SLC39A11: variants seen among roughly 807,000 people sequenced by gnomAD.
SLC39A11 encodes the protein zinc transporter ZIP11.
A neutral mutation model predicts 36.1 loss-of-function variants in SLC39A11; 33 were observed. The ratio of observed to expected loss-of-function variants is 0.91; its 90% CI spans 0.69 to 1.22. The LOEUF is 1.22. Among genes scored for constraint, SLC39A11 ranks in the 50% most tolerant of loss-of-function variants. SLC39A11 has a pLI of 0.00. For missense variants in SLC39A11, 432 were observed against 430.3 expected (o/e 1.00, Z -0.03); for synonymous variants, 166 against 170.3 (o/e 0.97, Z 0.20).
chr17:72,829,148 T>G (rs559081406), intron 6 of SLC39A11, among the ~76,000 whole-genome samples: 22 of 151,984 alleles, frequency 1.4e-4, no homozygotes, highest in African/African-American at 5.3e-4. Flanking sequence ...GCACAAGAGT[T>G]TGACACCAGC....
At chr17:72,817,600 T>C (rs538956310) in intron 6 of SLC39A11, among the ~76,000 whole-genome samples, 2 of 152,358 alleles carry the variant, frequency 1.3e-5, no homozygotes, top group South Asian at 2.1e-4. Flanking sequence ...CAATGGATGA[T>C]GGCTATGACA....
chr17:72,722,598 C>G (rs945599636), intron 7 of SLC39A11, among the ~76,000 whole-genome samples: 1 of 152,014 alleles, frequency 6.6e-6, no homozygotes, highest in African/African-American at 2.4e-5. Context: ...ATCCTGAGCT[C>G]CTGATTTCAT....
chr17:72,861,215 G>A (rs966977695), intron 5 of SLC39A11, among the ~76,000 whole-genome samples: 5 of 152,164 alleles, frequency 3.3e-5, no homozygotes, highest in African/African-American at 9.7e-5. Flanking sequence ...TGTCAGCAGA[G>A]TGAAAGCATG....
intron 7 of SLC39A11, among the ~76,000 whole-genome samples, chr17:72,711,367 C>T (rs1030970851): frequency 2.6e-5 from 4 of 152,170 alleles, no homozygotes; most frequent in African/African-American, 9.7e-5. Context: ...AAGTGTATTT[C>T]TTCTTTACTC....
rs533307108 is a variant in SLC39A11 at position 72,839,979 on chromosome 17, C to T, written c.601+9655G>A. On this transcript the variant is annotated intron_variant, in intron 6 of 9. Coordinates refer to ENST00000255559, the MANE Select transcript of SLC39A11 (RefSeq NM_139177.4). The stretch of plus-strand genomic sequence containing the variant: ...TTCCAAAAAAGCATTTTTATCTGAT[C>T]GCAAGTCATAAATATTTACTACAGG... Among the ~76,000 whole-genome samples, 10 of 152,214 alleles carry T rather than the reference C, an allele frequency of 6.6e-5. No homozygotes were observed. The East Asian group carries it at 7.7e-4, about 12-fold the overall frequency.
chr17:72,895,097 G>C (rs989975892), intron 5 of SLC39A11, among the ~76,000 whole-genome samples: 9 of 151,336 alleles, frequency 5.9e-5, no homozygotes, highest in African/African-American at 2.2e-4. Context: ...AGTTGCATTG[G>C]TGGGTGCTAG....
At chr17:73,001,470 G>A (rs938536181) in intron 4 of SLC39A11, among the ~76,000 whole-genome samples, 8 of 149,078 alleles carry the variant, frequency 5.4e-5, no homozygotes, top group South Asian at 4.3e-4. Flanking sequence ...GCTAAATGAC[G>A]AGTTAATGGG....
At chr17:72,712,694 G>A (rs1021358249) in intron 7 of SLC39A11, 7 of 152,112 alleles carry the variant, frequency 4.6e-5, no homozygotes, top group East Asian at 1.9e-4. Flanking sequence ...AGAAAGCTGC[G>A]GTGCTTCCTT....
In SLC39A11 at chr17:72,849,810, CAAA is replaced by C. The variant is rs34998299; in HGVS notation, c.431-9_431-7del. On this transcript the variant is annotated splice_polypyrimidine_tract_variant and splice_region_variant and intron_variant, in intron 5 of 9. Transcript: ENST00000255559. The stretch of plus-strand genomic sequence containing the variant: ...CTCACCATTCTCACTCTTGTCTGAG[CAAA>C]AAAAAAAAAAAAGAGAGATGGGGAA... 0.03 allele frequency: 37,466 copies of C among 1,252,578 alleles called. 1 individual carries two copies. Among genetic ancestry groups the C allele is most frequent in the East Asian group, 0.078 (2,316 of 29,794 alleles). The allele number at this position is 1,252,578 out of a possible 1,614,324, so 77.6% of individuals were successfully genotyped here.
chr17:72,649,153 C>T lies in SLC39A11; in HGVS notation c.770+17G>A. ...GGAGGATGCTGTGACATGGCCTTGC[C>T]CTTGGGCAGCACTCACCAGAAAGCT... On this transcript the variant is annotated intron_variant, in intron 8 of 9. Transcript: ENST00000255559. The T allele has an allele frequency of 6.2e-7, 1 of 1,609,072 alleles. No individual in the cohort carries two copies. Among genetic ancestry groups the T allele is most frequent in the South Asian group, 1.1e-5 (1 of 90,450 alleles).
chr17:72,682,590 G>A (rs1567941501), intron 7 of SLC39A11, among the ~76,000 whole-genome samples: 1 of 152,200 alleles, frequency 6.6e-6, no homozygotes, highest in East Asian at 1.9e-4. Flanking sequence ...ACAGCTGATT[G>A]TGGGCAAGAC....
At chr17:72,961,854 T>C (rs2086635619) in intron 4 of SLC39A11, among the ~76,000 whole-genome samples, 1 of 152,156 alleles carries the variant, frequency 6.6e-6, no homozygotes, top group Non-Finnish European at 1.5e-5. Context: ...AACCTGCACA[T>C]TGTGCACATG....
chr17:72,927,172 G>A lies in SLC39A11; in HGVS notation c.430+20580C>T, dbSNP rs553903983. The stretch of plus-strand genomic sequence containing the variant: ...AGCAGTTCTCCTGCCTCAGCCTCCC[G>A]AGTAGGTGGGACTACAGGCGCACAC... On this transcript the variant is annotated intron_variant, in intron 5 of 9. Coordinates refer to ENST00000255559, the MANE Select transcript of SLC39A11 (RefSeq NM_139177.4). 7.9e-5 allele frequency among the ~76,000 whole-genome samples: 12 copies of A among 152,210 alleles called. No homozygotes were observed. The East Asian group carries it at 1.9e-3, about 25-fold the overall frequency.
intron 5 of SLC39A11, among the ~76,000 whole-genome samples, chr17:72,918,103 CCTGTAAT>C (rs2083435394): frequency 6.6e-6 from 1 of 152,218 alleles, no homozygotes; most frequent in South Asian, 2.1e-4. Flanking sequence ...ATTGTCCTTA[CCTGTAAT>C]GTAAGAGCAC....
chr17:73,059,040 CA>C (rs1273939170), intron 3 of SLC39A11, among the ~76,000 whole-genome samples: 1 of 151,974 alleles, frequency 6.6e-6, no homozygotes, highest in Non-Finnish European at 1.5e-5. Flanking sequence ...AAATCTTTTG[CA>C]GCAATTTGGA....
intron 7 of SLC39A11, among the ~76,000 whole-genome samples, chr17:72,681,341 G>A (rs2071500414): frequency 1.3e-5 from 2 of 152,172 alleles, no homozygotes; most frequent in African/African-American, 4.8e-5. Flanking sequence ...GGAGCAGCTA[G>A]AGGCCATGTA....
chr17:72,779,914 C>T (rs1166406165), intron 6 of SLC39A11, among the ~76,000 whole-genome samples: 1 of 152,162 alleles, frequency 6.6e-6, no homozygotes, highest in Admixed American at 6.5e-5. Flanking sequence ...CTGTGGCACC[C>T]ATGAGGAACC....
intron 5 of SLC39A11, among the ~76,000 whole-genome samples, chr17:72,885,969 T>A (rs1598278067): frequency 6.6e-6 from 1 of 152,198 alleles, no homozygotes; most frequent in African/African-American, 2.4e-5. Flanking sequence ...AGTGCTCCCA[T>A]CTCAGATCTC....
At chr17:72,844,177 C>T in intron 6 of SLC39A11, among the ~76,000 whole-genome samples, 1 of 152,148 alleles carries the variant, frequency 6.6e-6, no homozygotes, top group East Asian at 1.9e-4. Context: ...GGTAAGTTGG[C>T]TCCAAACAGG....
Sources: gnomAD v4.1 joint callset for allele counts (sites outside exome capture counted in the v4.1 genomes callset) on GRCh38, gnomAD v4.1.1 for gene constraint, MANE v1.5 for transcripts, NCBI Gene and HGNC (gene_info 2026-07-23, HGNC 2026-07-21) for gene names.